The following CDH12 variants were observed in gnomAD, a reference collection of about 807,000 sequenced individuals.
The protein encoded by CDH12 is cadherin 12.
A neutral mutation model predicts 74.1 loss-of-function variants in CDH12; 41 were observed. The ratio of observed to expected loss-of-function variants is 0.55; its 90% CI spans 0.43 to 0.72. The LOEUF is 0.72. CDH12 is among the 30% of genes least tolerant of loss of function. The probability of loss-of-function intolerance (pLI) is 0.00; values close to 1 mark genes in which losing one functional copy is unlikely to be tolerated. For missense variants in CDH12, 945 were observed against 977.2 expected, an observed-to-expected ratio of 0.97 and a Z score of 0.44; for synonymous variants, 399 against 355.0, an observed-to-expected ratio of 1.12 and a Z score of -1.39.
At chr5:21,890,588 T>A (rs1038460218) in intron 6 of CDH12, among the ~76,000 whole-genome samples, 3 of 152,110 alleles carry the variant, frequency 2.0e-5, no homozygotes, top group Admixed American at 2.0e-4. Context: ...AAAATAATTA[T>A]GTGTTTTACA....
intron 6 of CDH12, among the ~76,000 whole-genome samples, chr5:21,885,294 G>C (rs1323708494): frequency 1.3e-5 from 2 of 152,218 alleles, no homozygotes; most frequent in African/African-American, 4.8e-5. Flanking sequence ...ACTAAGGCAA[G>C]TGAGGCTATC....
intron 1 of CDH12, among the ~76,000 whole-genome samples, chr5:22,661,764 A>G (rs1030509976): frequency 5.3e-5 from 8 of 152,164 alleles, no homozygotes; most frequent in Non-Finnish European, 1.2e-4. Flanking sequence ...CATTTACTGT[A>G]AGAAAGCTGG....
intron 1 of CDH12, among the ~76,000 whole-genome samples, chr5:22,594,136 C>T (rs1054219126): frequency 6.6e-6 from 1 of 152,114 alleles, no homozygotes; most frequent in African/African-American, 2.4e-5. Flanking sequence ...TAACAGATCC[C>T]TGTTATATTC....
chr5:22,415,235 T>C (rs1260058297), intron 2 of CDH12, among the ~76,000 whole-genome samples: 1 of 152,160 alleles, frequency 6.6e-6, no homozygotes, highest in Non-Finnish European at 1.5e-5. Context: ...ATGTTTTTTT[T>C]TGAAAATTGA....
chr5:21,894,822 A>G (rs1753049664), intron 6 of CDH12, among the ~76,000 whole-genome samples: 1 of 152,104 alleles, frequency 6.6e-6, no homozygotes, highest in Non-Finnish European at 1.5e-5. Context: ...TCCTTTAGTA[A>G]TAACTAAAGG....
intron 4 of CDH12, among the ~76,000 whole-genome samples, chr5:22,114,655 A>T (rs138478143): frequency 1.6e-4 from 25 of 152,256 alleles, no homozygotes; most frequent in African/African-American, 6.0e-4. Flanking sequence ...TTTTCTTCTT[A>T]TATTGTTGCT....
At chr5:22,095,252 C>T (rs1743684406) in intron 4 of CDH12, among the ~76,000 whole-genome samples, 1 of 152,192 alleles carries the variant, frequency 6.6e-6, no homozygotes, top group East Asian at 1.9e-4. Flanking sequence ...CTCACTATCC[C>T]TCAACCACTT....
At chr5:22,846,383 G>T (rs1737303023) in intron 1 of CDH12, among the ~76,000 whole-genome samples, 1 of 152,114 alleles carries the variant, frequency 6.6e-6, no homozygotes, top group South Asian at 2.1e-4. Flanking sequence ...GCTACTGGAT[G>T]CAATTACCCC....
At chr5:22,529,673 T>C (rs900073927) in intron 1 of CDH12, among the ~76,000 whole-genome samples, 7 of 152,168 alleles carry the variant, frequency 4.6e-5, no homozygotes, top group Non-Finnish European at 8.8e-5. Context: ...ACTAAATGTC[T>C]GGGCAGCCTG....
At chr5:21,812,092 G>GTAA (rs1172733600) in intron 9 of CDH12, among the ~76,000 whole-genome samples, 1 of 151,874 alleles carries the variant, frequency 6.6e-6, no homozygotes, top group Non-Finnish European at 1.5e-5. Context: ...AGATAAAACA[G>GTAA]TAATAACAAT....
At chr5:22,198,736 T>C (rs938019114) in intron 4 of CDH12, among the ~76,000 whole-genome samples, 9 of 152,122 alleles carry the variant, frequency 5.9e-5, no homozygotes, top group Non-Finnish European at 1.2e-4. Context: ...TGGCTTTATG[T>C]GGACAAAAAT....
intron 3 of CDH12, among the ~76,000 whole-genome samples, chr5:22,373,398 C>G (rs1741383044): frequency 6.6e-6 from 1 of 152,308 alleles, no homozygotes; most frequent in Middle Eastern, 3.4e-3. Context: ...CACACCATGG[C>G]CAAGGGGACT....
chr5:21,769,932 T>A (rs1745229463), intron 11 of CDH12, among the ~76,000 whole-genome samples: 1 of 152,306 alleles, frequency 6.6e-6, no homozygotes, highest in African/African-American at 2.4e-5. Context: ...ATTGATATAA[T>A]CTTTCCTATG....
intron 1 of CDH12, among the ~76,000 whole-genome samples, chr5:22,650,685 A>G (rs929395243): frequency 2.0e-5 from 3 of 152,062 alleles, no homozygotes; most frequent in Non-Finnish European, 1.5e-5. Context: ...CACTTCATCC[A>G]TGAGAAAGAG....
chr5:22,475,797 T>A (rs1220472201), intron 2 of CDH12, among the ~76,000 whole-genome samples: 1 of 152,102 alleles, frequency 6.6e-6, no homozygotes, highest in African/African-American at 2.4e-5. Context: ...AGAAACAAGA[T>A]ATTCTAAATG....
chr5:22,770,037 G>A (rs888446522), intron 1 of CDH12, among the ~76,000 whole-genome samples: 2 of 151,196 alleles, frequency 1.3e-5, no homozygotes, highest in African/African-American at 2.4e-5. Context: ...ACTGGGTTGC[G>A]CTGACTTTTT....
chr5:22,660,185 G>T (rs935485490), intron 1 of CDH12, among the ~76,000 whole-genome samples: 6 of 152,122 alleles, frequency 3.9e-5, no homozygotes, highest in Admixed American at 3.9e-4. Context: ...AACAAAGCAA[G>T]CATGTATTTA....
Position 22,269,613 on chromosome 5 carries a change from A to G in CDH12, c.-332-56970T>C, listed in dbSNP as rs944277773. On this transcript the variant is annotated intron_variant, in intron 3 of 14. Transcript: ENST00000382254. Reference sequence around the variant, plus strand: ...TGATGAACAACATAATGGAAGCATTAACTGAATATCTTCTTAGATTGGAGC... The same window carrying G: ...TGATGAACAACATAATGGAAGCATTGACTGAATATCTTCTTAGATTGGAGC... Among the ~76,000 whole-genome samples the G allele has an allele frequency of 2.0e-5, 3 of 152,186 alleles. No individual in the cohort carries two copies. In the South Asian group the frequency reaches 6.2e-4, roughly 31 times the overall value.
At chr5:22,538,488 T>C (rs1446814734) in intron 1 of CDH12, among the ~76,000 whole-genome samples, 1 of 152,188 alleles carries the variant, frequency 6.6e-6, no homozygotes, top group Non-Finnish European at 1.5e-5. Flanking sequence ...GTGAGATCTT[T>C]AACAGTAGTC....
Sources: allele counts gnomAD v4.1 joint callset (sites outside exome capture counted in the v4.1 genomes callset), GRCh38; gene constraint gnomAD v4.1.1; transcripts MANE v1.5; gene names NCBI Gene and HGNC (gene_info 2026-07-23, HGNC 2026-07-21).